The following SKIC3 variants were observed in gnomAD, a reference collection of about 807,000 sequenced individuals.
SKIC3 encodes the protein superkiller complex protein 3.
the SKIC3 span, among the ~76,000 whole-genome samples, chr5:95,554,627 C>T: frequency 6.6e-6 from 1 of 152,120 alleles, no homozygotes; most frequent in African/African-American, 2.4e-5. Flanking sequence ...CCTGACTGCA[C>T]GGGGTAAGAG....
At chr5:95,473,678 AT>A in the SKIC3 span, among the ~76,000 whole-genome samples, 1 of 152,036 alleles carries the variant, frequency 6.6e-6, no homozygotes, top group African/African-American at 2.4e-5. Flanking sequence ...AGGGATGAGC[AT>A]TTTTTCATAT....
At chr5:95,542,048 G>T in the SKIC3 span, 1 of 661,012 alleles carries the variant, frequency 1.5e-6, no homozygotes, top group Non-Finnish European at 2.6e-6. Flanking sequence ...GAAATGATCT[G>T]TCTGAGATTT....
At chr5:95,517,831 G>A in the SKIC3 span, among the ~76,000 whole-genome samples, 1 of 152,058 alleles carries the variant, frequency 6.6e-6, no homozygotes, top group African/African-American at 2.4e-5. Flanking sequence ...TGAGAAGTAG[G>A]ACCTTTAAGA....
At chr5:95,513,968 T>C in the SKIC3 span, among the ~76,000 whole-genome samples, 6 of 152,290 alleles carry the variant, frequency 3.9e-5, no homozygotes, top group South Asian at 1.2e-3. Context: ...TGGGAGCAGT[T>C]AGAATGCAAA....
the SKIC3 span, chr5:95,469,706 C>T: frequency 1.3e-6 from 2 of 1,599,210 alleles, no homozygotes; most frequent in Admixed American, 1.7e-5. Context: ...AGTTTATAAT[C>T]TTTCCTTGAT....
the SKIC3 span, among the ~76,000 whole-genome samples, chr5:95,480,030 G>C: frequency 2.6e-5 from 4 of 151,962 alleles, no homozygotes; most frequent in African/African-American, 9.7e-5. Flanking sequence ...TCAAAGATTG[G>C]TACTATGTTA....
At chr5:95,499,224 T>G in the SKIC3 span, among the ~76,000 whole-genome samples, 1 of 152,196 alleles carries the variant, frequency 6.6e-6, no homozygotes, top group Non-Finnish European at 1.5e-5. Context: ...GTGGGTCTAG[T>G]GGGAGGTGAT....
the SKIC3 span, among the ~76,000 whole-genome samples, chr5:95,498,779 T>C: frequency 6.6e-6 from 1 of 152,010 alleles, no homozygotes; most frequent in Non-Finnish European, 1.5e-5. Context: ...GCGCCCGCCA[T>C]CAGGCCCGGC....
At chr5:95,473,439 G>A in the SKIC3 span, among the ~76,000 whole-genome samples, 422 of 152,134 alleles carry the variant, frequency 2.8e-3, 1 homozygote, top group Non-Finnish European at 4.4e-3. Context: ...ATGCCACTAC[G>A]CCTGGCTAAT....
the SKIC3 span, among the ~76,000 whole-genome samples, chr5:95,465,804 C>T: frequency 6.3e-4 from 96 of 152,272 alleles, no homozygotes; most frequent in African/African-American, 2.3e-3. Flanking sequence ...AATATCTACC[C>T]TTTGTTCTGG....
chr5:95,482,571 T>TTG, the SKIC3 span: 1 of 1,614,082 alleles, frequency 6.2e-7, no homozygotes, highest in Non-Finnish European at 8.5e-7. Flanking sequence ...AGGAGTGGTT[T>TTG]ACACTGAACT....
chr5:95,518,097 T>C, the SKIC3 span, among the ~76,000 whole-genome samples: 2 of 152,186 alleles, frequency 1.3e-5, no homozygotes, highest in East Asian at 1.9e-4. Flanking sequence ...TGGTATTCTG[T>C]TATGGCAGCA....
the SKIC3 span, among the ~76,000 whole-genome samples, chr5:95,497,120 A>G: frequency 6.6e-6 from 1 of 152,234 alleles, no homozygotes; most frequent in Non-Finnish European, 1.5e-5. Flanking sequence ...ACATTACTTT[A>G]TCACATATCA....
At chr5:95,543,861 C>A in the SKIC3 span, among the ~76,000 whole-genome samples, 1 of 152,044 alleles carries the variant, frequency 6.6e-6, no homozygotes. Context: ...ACAACACCTG[C>A]CAACTGGAAT....
the SKIC3 span, chr5:95,497,604 T>C: frequency 1.3e-6 from 1 of 742,802 alleles, no homozygotes; most frequent in Non-Finnish European, 2.3e-6. Context: ...CAAGTTCATA[T>C]TAATTGCGCA....
the SKIC3 span, among the ~76,000 whole-genome samples, chr5:95,500,953 G>A: frequency 2.0e-5 from 3 of 152,020 alleles, no homozygotes; most frequent in East Asian, 3.9e-4. Context: ...ATCAAATCAT[G>A]AATTTTCTGA....
the SKIC3 span, among the ~76,000 whole-genome samples, chr5:95,498,211 TAC>T: frequency 6.6e-6 from 1 of 152,176 alleles, no homozygotes; most frequent in South Asian, 2.1e-4. Flanking sequence ...AAATAATATA[TAC>T]AGTCAGTTAC....
At chr5:95,480,658 T>C in the SKIC3 span, among the ~76,000 whole-genome samples, 3 of 152,136 alleles carry the variant, frequency 2.0e-5, no homozygotes, top group Admixed American at 2.0e-4. Context: ...ACCATACATA[T>C]ACCCTATGTC....
the SKIC3 span, among the ~76,000 whole-genome samples, chr5:95,487,753 T>C: frequency 3.9e-5 from 6 of 152,086 alleles, no homozygotes; most frequent in Non-Finnish European, 7.3e-5. Flanking sequence ...CATATATCAA[T>C]GTAAGGACAA....
Sources: allele counts gnomAD v4.1 joint callset (sites outside exome capture counted in the v4.1 genomes callset), GRCh38; gene constraint gnomAD v4.1.1; transcripts MANE v1.5; gene names NCBI Gene and HGNC (gene_info 2026-07-23, HGNC 2026-07-21).